PAK3: variants seen among roughly 807,000 people sequenced by gnomAD.
The protein encoded by PAK3 is serine/threonine-protein kinase PAK 3.
Under a neutral mutation model 41.0 loss-of-function variants are expected in PAK3, and 4 were observed. The observed-to-expected ratio is 0.10, with a 90% confidence interval of 0.05 to 0.22. PAK3 has a LOEUF of 0.22. Among genes scored for constraint, PAK3 ranks in the 10% least tolerant of loss-of-function variants. The pLI is 1.00. For missense variants in PAK3, 205 were observed against 409.9 expected (o/e 0.50, Z 4.32); for synonymous variants, 146 against 139.6 (o/e 1.05, Z -0.32).
chrX:111,122,875 T>C (rs2093598276), intron 4 of PAK3, among the ~76,000 whole-genome samples: 1 of 112,083 alleles, frequency 8.9e-6, no homozygotes, highest in Middle Eastern at 4.6e-3. Flanking sequence ...GCCTTCACTT[T>C]CCTTTTTTGA....
intron 10 of PAK3, among the ~76,000 whole-genome samples, chrX:111,164,834 T>C (rs1186800700): frequency 1.8e-5 from 2 of 112,019 alleles, no homozygotes; most frequent in African/African-American, 6.5e-5. Context: ...TTTAATAGTA[T>C]GATACAATTA....
At chrX:111,084,233 T>C (rs760768851) in intron 1 of PAK3, among the ~76,000 whole-genome samples, 65 of 112,370 alleles carry the variant, frequency 5.8e-4, no homozygotes, top group Non-Finnish European at 7.9e-4. Flanking sequence ...ACATTTCTAT[T>C]GCTTCCTGTA....
At chrX:111,133,100 T>G (rs1315364325) in intron 5 of PAK3, among the ~76,000 whole-genome samples, 1 of 111,943 alleles carries the variant, frequency 8.9e-6, no homozygotes, top group African/African-American at 3.2e-5. Context: ...TTCTCACACC[T>G]TTTTTTGTTG....
chrX:110,997,925 G>A, intron 1 of PAK3, among the ~76,000 whole-genome samples: 1 of 111,115 alleles, frequency 9.0e-6, no homozygotes, highest in East Asian at 2.8e-4. Flanking sequence ...ATGAGAAAGC[G>A]GGCCCTCACC....
At chrX:111,200,282 T>C (rs1016070745) in intron 16 of PAK3, among the ~76,000 whole-genome samples, 1 of 111,889 alleles carries the variant, frequency 8.9e-6, no homozygotes, top group Non-Finnish European at 1.9e-5. Context: ...AGTTAAACAT[T>C]TTGTATTTGG....
intron 1 of PAK3, among the ~76,000 whole-genome samples, chrX:111,005,403 G>A (rs777556869): frequency 9.0e-6 from 1 of 111,699 alleles, no homozygotes; most frequent in Non-Finnish European, 1.9e-5. Context: ...GAAGCCGGTA[G>A]ACTGACCAGC....
intron 3 of PAK3, among the ~76,000 whole-genome samples, chrX:111,100,714 C>T (rs1236159154): frequency 2.7e-5 from 3 of 111,740 alleles, no homozygotes; most frequent in Non-Finnish European, 5.7e-5. Flanking sequence ...GAGTAGTTGT[C>T]CATAGCTTCC....
chrX:111,208,795 G>A (rs2094784963), intron 16 of PAK3, among the ~76,000 whole-genome samples: 1 of 111,739 alleles, frequency 8.9e-6, no homozygotes, highest in Non-Finnish European at 1.9e-5. Context: ...GTATTAGGTA[G>A]GTATCATAAA....
chrX:111,170,555 T>G (rs1049136942), intron 10 of PAK3, among the ~76,000 whole-genome samples: 1 of 111,605 alleles, frequency 9.0e-6, no homozygotes, highest in Non-Finnish European at 1.9e-5. Context: ...CATATTTTCT[T>G]GTTCTCATTC....
chrX:111,060,247 G>A (rs887651944), intron 1 of PAK3, among the ~76,000 whole-genome samples: 4 of 111,954 alleles, frequency 3.6e-5, no homozygotes, highest in African/African-American at 9.7e-5. Flanking sequence ...ATTTTCGTAT[G>A]TTGAATCAAT....
intron 1 of PAK3, among the ~76,000 whole-genome samples, chrX:110,984,695 G>C (rs537743197): frequency 2.7e-5 from 3 of 111,874 alleles, no homozygotes; most frequent in African/African-American, 9.7e-5. Flanking sequence ...AATTTTTGTT[G>C]TCATTTTTAA....
intron 4 of PAK3, among the ~76,000 whole-genome samples, chrX:111,115,369 C>T (rs746644375): frequency 3.7e-4 from 41 of 111,502 alleles, no homozygotes; most frequent in Non-Finnish European, 7.0e-4. Context: ...AATACCCATG[C>T]CAGTTTTCTT....
In PAK3 at chrX:111,199,277, T is replaced by G. The variant is rs537317452; in HGVS notation, c.1407+2637T>G. 1.3e-4 allele frequency among the ~76,000 whole-genome samples: 14 copies of G among 111,770 alleles called. No individual in the cohort carries two copies. In the South Asian group the frequency reaches 5.3e-3, roughly 42 times the overall value. ...GAATCATATCATCTGGGAAGAGAGA[T>G]AGTTTGATTTCTTCTCTTCCTATTT... is the stretch of plus-strand genomic sequence containing the variant. On this transcript the variant is annotated intron_variant, in intron 16 of 17. Coordinates refer to ENST00000372007, the MANE Select transcript of PAK3 (RefSeq NM_002578.5).
intron 1 of PAK3, among the ~76,000 whole-genome samples, chrX:110,969,665 T>C (rs1198246351): frequency 9.0e-6 from 1 of 110,798 alleles, no homozygotes; most frequent in Non-Finnish European, 1.9e-5. Flanking sequence ...TGAGTCTATT[T>C]CTGAGTTGTC....
At chrX:111,111,163 A>T (rs1187587075) in intron 4 of PAK3, among the ~76,000 whole-genome samples, 1 of 112,300 alleles carries the variant, frequency 8.9e-6, no homozygotes, top group East Asian at 2.8e-4. Context: ...TCATAATGCC[A>T]AATGAATGTG....
In PAK3 at chrX:110,967,586, A is replaced by G. The variant is rs886557582; in HGVS notation, c.-28+22958A>G. Among the ~76,000 whole-genome samples the G allele has an allele frequency of 7.2e-5, 8 of 111,708 alleles. 1 individual carries two copies. The highest frequency in any genetic ancestry group is 2.3e-4 in the African/African-American group (7 of 30,733). ...TGGGCCCACATTTACATGTCTTATG[A>G]ATTTTTAAGAGAAGATAGATATCCA... On this transcript the variant is annotated intron_variant, in intron 1 of 14. Transcript: ENST00000425146.
chrX:111,179,024 T>G, intron 11 of PAK3, among the ~76,000 whole-genome samples: 1 of 106,091 alleles, frequency 9.4e-6, no homozygotes. Flanking sequence ...TATATATATA[T>G]ATATATATGG....
chrX:111,022,027 T>C (rs988708264), intron 1 of PAK3, among the ~76,000 whole-genome samples: 2 of 111,994 alleles, frequency 1.8e-5, no homozygotes, highest in Non-Finnish European at 3.8e-5. Flanking sequence ...AGTTTGAGAC[T>C]ATGTTAAACA....
At chrX:111,114,791 A>G (rs2093433853) in intron 4 of PAK3, among the ~76,000 whole-genome samples, 1 of 111,966 alleles carries the variant, frequency 8.9e-6, no homozygotes, top group Admixed American at 9.4e-5. Flanking sequence ...ATTTATTATG[A>G]ACACCCGAGT....
Sources: allele counts gnomAD v4.1 joint callset (sites outside exome capture counted in the v4.1 genomes callset), GRCh38; gene constraint gnomAD v4.1.1; transcripts MANE v1.5; gene names NCBI Gene and HGNC (gene_info 2026-07-23, HGNC 2026-07-21).